The following PXT1 variants were observed in gnomAD, a reference collection of about 807,000 sequenced individuals.
PXT1 encodes peroxisomal testis-specific protein 1.
A neutral mutation model predicts 11.0 loss-of-function variants in PXT1; 11 were observed. The observed-to-expected ratio is 1.00, with a 90% CI of 0.63 to 1.66. PXT1 has a LOEUF of 1.66. PXT1 is among the 40% of genes most tolerant of loss of function. The probability of loss-of-function intolerance (pLI) is 0.00; values close to 1 mark genes in which losing one functional copy is unlikely to be tolerated. For synonymous variants in PXT1, 43 were observed against 51.4 expected, an observed-to-expected ratio of 0.84 and a Z score of 0.70; for missense variants, 141 against 155.5, an observed-to-expected ratio of 0.91 and a Z score of 0.49.
At chr6:36,425,713 A>C (rs1774591989) in intron 3 of PXT1, among the ~76,000 whole-genome samples, 1 of 151,724 alleles carries the variant, frequency 6.6e-6, no homozygotes, top group African/African-American at 2.4e-5. Context: ...GCTTAAACCC[A>C]GGAGCCAGAA....
intron 3 of PXT1, among the ~76,000 whole-genome samples, chr6:36,402,947 CTTTCTT>C (rs1028517562): frequency 9.8e-6 from 1 of 101,556 alleles, no homozygotes; most frequent in Non-Finnish European, 2.0e-5. Context: ...TTCTTTCTTT[CTTTCTT>C]TTTTTTTTTT....
At position 36,426,091 on chromosome 6, in the gene PXT1, C is replaced by T. The variant is rs776257108; in HGVS notation, c.-9G>A. The T allele has an allele frequency of 1.9e-4, 286 of 1,494,002 alleles. 1 individual carries two copies. Among genetic ancestry groups the T allele is most frequent in the South Asian group, 1.4e-3 (108 of 77,108 alleles). The allele number at this position is 1,494,002 out of a possible 1,614,324, so 92.5% of individuals were successfully genotyped here. On this transcript the variant is annotated splice_region_variant and 5_prime_UTR_variant, in exon 3 of 5. Transcript: ENST00000454782. ...TCATGTTTTTTCTTCATGTTTTTTC[C>T]CTGTTGAAAAACATATTTTCAGAGG...
At chr6:36,400,316 T>A (rs1254523853) in intron 4 of PXT1, 138 bp downstream of exon 4, 1 of 1,060,828 alleles carries the variant, frequency 9.4e-7, no homozygotes, top group African/African-American at 1.6e-5. Context: ...AATGTTTAGA[T>A]CTAACATTTG....
At position 36,436,113 on chromosome 6, in the gene PXT1, CAAA is replaced by C. The variant is rs11294829; in HGVS notation, c.-10+2651_-10+2653del. Among the ~76,000 whole-genome samples the C allele has an allele frequency of 5.7e-3, 341 of 60,058 alleles. 2 individuals are homozygous for C. Among genetic ancestry groups the C allele is most frequent in the African/African-American group, 0.015 (244 of 16,180 alleles). 39.4% of individuals were successfully genotyped at this position (60,058 alleles called of 152,430 possible). On this transcript the variant is annotated intron_variant, in intron 2 of 4. Coordinates refer to ENST00000454782, the MANE Select transcript of PXT1 (RefSeq NM_152990.4). ...AAATTAATTAAAAAAAAAAGTAAGCCAAAAAAAAAAAAAAAAAAAGCCAGCATG... is the reference window on the plus strand; with the variant it reads ...AAATTAATTAAAAAAAAAAGTAAGCCAAAAAAAAAAAAAAAAGCCAGCATG...
intron 3 of PXT1, among the ~76,000 whole-genome samples, chr6:36,424,170 C>T (rs1472055765): frequency 6.6e-6 from 1 of 152,114 alleles, no homozygotes; most frequent in Non-Finnish European, 1.5e-5. Context: ...AGAATAGTGG[C>T]GACGATTGCA....
chr6:36,439,143 C>T (rs1307776148), intron 1 of PXT1, among the ~76,000 whole-genome samples: 1 of 151,556 alleles, frequency 6.6e-6, no homozygotes, highest in African/African-American at 2.4e-5. Flanking sequence ...GGATTACAGG[C>T]GCACCACCGC....
At chr6:36,437,628 C>T (rs551296935) in intron 2 of PXT1, among the ~76,000 whole-genome samples, 49 of 150,244 alleles carry the variant, frequency 3.3e-4, no homozygotes, top group Non-Finnish European at 5.0e-4. Context: ...ATTCTCCTGC[C>T]TCAGCCTCCT....
intron 4 of PXT1, among the ~76,000 whole-genome samples, chr6:36,399,393 C>T (rs368508901): frequency 1.3e-5 from 2 of 152,302 alleles, no homozygotes; most frequent in East Asian, 1.9e-4. Flanking sequence ...GTGATCTGCC[C>T]GCCTTGGCCT....
intron 2 of PXT1, among the ~76,000 whole-genome samples, chr6:36,438,484 C>T (rs768841660): frequency 1.2e-4 from 19 of 152,100 alleles, no homozygotes; most frequent in Non-Finnish European, 2.4e-4. Flanking sequence ...AGTGCAGTGG[C>T]GTGATCTTAG....
chr6:36,417,839 T>C (rs1360537839), intron 3 of PXT1, among the ~76,000 whole-genome samples: 4 of 151,876 alleles, frequency 2.6e-5, no homozygotes. Flanking sequence ...AAATGCACAT[T>C]ATTTAGAACA....
chr6:36,441,548 T>G (rs992218688), intron 1 of PXT1, among the ~76,000 whole-genome samples: 2 of 152,076 alleles, frequency 1.3e-5, no homozygotes, highest in Non-Finnish European at 2.9e-5. Context: ...CCAATCTAGC[T>G]CTTCTGCCAG....
At position 36,404,618 on chromosome 6, in the gene PXT1, G is replaced by A. The variant is rs147014789; in HGVS notation, c.170-4034C>T. Among the ~76,000 whole-genome samples the A allele has an allele frequency of 2.5e-4, 38 of 151,734 alleles. No individual in the cohort carries two copies. The East Asian group carries it at 6.8e-3, about 27-fold the overall frequency. On this transcript the variant is annotated intron_variant, in intron 3 of 4. Coordinates refer to ENST00000454782, the MANE Select transcript of PXT1 (RefSeq NM_152990.4). ...ATTACAGGTGTGCACCACCGTGCCCGGACTGTTATTTTAGAGTATACTCCT... is the reference window on the plus strand; with the variant it reads ...ATTACAGGTGTGCACCACCGTGCCCAGACTGTTATTTTAGAGTATACTCCT...
intron 2 of PXT1, among the ~76,000 whole-genome samples, chr6:36,426,355 CTTTTTTTTTTTTTTTTTTT>C (rs751410377): frequency 5.2e-5 from 4 of 76,774 alleles, no homozygotes; most frequent in Non-Finnish European, 9.6e-5. Flanking sequence ...CTCTCTCTCG[CTTTTTTTTTTTTTTTTTTT>C]TTTTTTTTTT....
At chr6:36,407,277 C>T (rs375672694) in intron 3 of PXT1, among the ~76,000 whole-genome samples, 13 of 152,236 alleles carry the variant, frequency 8.5e-5, no homozygotes, top group African/African-American at 3.1e-4. Context: ...GATAGCTATA[C>T]CACCATATTG....
chr6:36,439,692 G>A (rs951546771), intron 1 of PXT1, among the ~76,000 whole-genome samples: 1 of 145,378 alleles, frequency 6.9e-6, no homozygotes, highest in Non-Finnish European at 1.5e-5. Flanking sequence ...TTAGGTTCAA[G>A]AATGAGACTT....
At chr6:36,421,735 G>A (rs973957951) in intron 3 of PXT1, among the ~76,000 whole-genome samples, 3 of 152,148 alleles carry the variant, frequency 2.0e-5, no homozygotes, top group African/African-American at 7.2e-5. Context: ...CTCTGGAATA[G>A]CTGGGATTAC....
chr6:36,391,900 G>A (rs1261568856), intron 4 of PXT1, 26 bp from the exon 5 acceptor site: 1 of 1,291,764 alleles, frequency 7.7e-7, no homozygotes, highest in Non-Finnish European at 1.0e-6. Flanking sequence ...GAGACACAGA[G>A]AAAGGTTTTT....
intron 3 of PXT1, 109 bp downstream of exon 3, chr6:36,425,805 A>AAACAAACAAAAAAAAAAATATAT (rs1554154141): frequency 1.2e-5 from 4 of 321,510 alleles, no homozygotes; most frequent in African/African-American, 9.2e-5. Flanking sequence ...AAAAACAAAA[A>AAACAAACAAAAAAAAAAATATAT]ATATATATAT....
intron 4 of PXT1, 91 bp downstream of exon 4, chr6:36,400,362 AT>A: frequency 1.4e-6 from 2 of 1,421,896 alleles, no homozygotes; most frequent in East Asian, 4.7e-5. Flanking sequence ...AATTCTGATA[AT>A]TCCTGGGCAT....
Sources: gnomAD v4.1 joint callset for allele counts (sites outside exome capture counted in the v4.1 genomes callset) on GRCh38, gnomAD v4.1.1 for gene constraint, MANE v1.5 for transcripts, NCBI Gene and HGNC (gene_info 2026-07-23, HGNC 2026-07-21) for gene names.